The following SOX5 variants were observed in gnomAD, a reference collection of about 807,000 sequenced individuals.
SOX5 encodes the protein transcription factor SOX-5.
In SOX5, 9 loss-of-function variants were observed where a neutral mutation model predicts 92.0. The ratio of observed to expected loss-of-function variants is 0.10; its 90% CI spans 0.06 to 0.17. The LOEUF (loss-of-function observed/expected upper bound fraction) is 0.17. SOX5 is among the 10% of genes least tolerant of loss of function. SOX5 has a pLI of 1.00. For missense variants in SOX5, 642 were observed against 944.5 expected (o/e 0.68, Z 4.20); for synonymous variants, 344 against 336.3 (o/e 1.02, Z -0.25).
chr12:23,564,817 A>G (rs1734947796), intron 10 of SOX5, among the ~76,000 whole-genome samples: 1 of 152,204 alleles, frequency 6.6e-6, no homozygotes, highest in Non-Finnish European at 1.5e-5. Context: ...TCCTTGTTGT[A>G]TTGCTAGACT....
At chr12:23,714,124 G>A (rs2092304218) in intron 6 of SOX5, among the ~76,000 whole-genome samples, 1 of 151,120 alleles carries the variant, frequency 6.6e-6, no homozygotes, top group East Asian at 1.9e-4. Flanking sequence ...TATTGGTCAT[G>A]TTTCCTTGTT....
chr12:24,136,496 C>G (rs1405399822), intron 4 of SOX5, among the ~76,000 whole-genome samples: 1 of 152,216 alleles, frequency 6.6e-6, no homozygotes, highest in Admixed American at 6.5e-5. Context: ...CCTCTCTAAC[C>G]CTAAAAGTTT....
At chr12:24,088,791 C>T (rs913127935) in intron 4 of SOX5, among the ~76,000 whole-genome samples, 5 of 152,130 alleles carry the variant, frequency 3.3e-5, no homozygotes, top group Non-Finnish European at 7.4e-5. Context: ...TACAATCCTA[C>T]TGATAACAGT....
chr12:24,479,811 G>T (rs528200233), intron 1 of SOX5, among the ~76,000 whole-genome samples: 4 of 151,792 alleles, frequency 2.6e-5, no homozygotes, highest in Non-Finnish European at 4.4e-5. Context: ...GACTGCAGGC[G>T]CCCACCACCA....
rs372309217 is a variant in SOX5 at position 23,868,250 on chromosome 12, T to C, written c.271-22057A>G. 7.9e-5 allele frequency among the ~76,000 whole-genome samples: 12 copies of C among 152,262 alleles called. No homozygotes were observed. In the East Asian group the frequency reaches 9.6e-4, roughly 12 times the overall value. The stretch of plus-strand genomic sequence containing the variant: ...TGTTCTATTTCACGGCTCCACTTCG[T>C]ATTTCTAGGGAAGATAAGAATGTTA... On this transcript the variant is annotated intron_variant, in intron 2 of 14. Transcript: ENST00000451604.
intron 6 of SOX5, among the ~76,000 whole-genome samples, chr12:23,688,448 A>G (rs1379527287): frequency 6.6e-6 from 1 of 152,116 alleles, no homozygotes; most frequent in Non-Finnish European, 1.5e-5. Context: ...TTGTTCTTCC[A>G]GTGTAAAATA....
At chr12:24,383,576 C>G (rs1163314086) in intron 1 of SOX5, among the ~76,000 whole-genome samples, 1 of 152,208 alleles carries the variant, frequency 6.6e-6, no homozygotes, top group African/African-American at 2.4e-5. Flanking sequence ...ATGACTTCTC[C>G]CTTTGTCCAG....
At chr12:23,605,094 G>T (rs897721525) in intron 8 of SOX5, among the ~76,000 whole-genome samples, 1 of 152,076 alleles carries the variant, frequency 6.6e-6, no homozygotes, top group Non-Finnish European at 1.5e-5. Flanking sequence ...AAATTAACTG[G>T]ATGCTTGCCA....
intron 1 of SOX5, among the ~76,000 whole-genome samples, chr12:23,928,338 T>C (rs1486646161): frequency 3.3e-5 from 5 of 152,028 alleles, no homozygotes; most frequent in Non-Finnish European, 7.4e-5. Flanking sequence ...TGTTGCTCAG[T>C]ACTCGGGTGT....
intron 7 of SOX5, among the ~76,000 whole-genome samples, chr12:23,660,764 C>G (rs2082930202): frequency 6.6e-6 from 1 of 151,644 alleles, no homozygotes; most frequent in Non-Finnish European, 1.5e-5. Context: ...TCCAAACTTT[C>G]TTTGATTAAG....
At chr12:24,451,390 G>A (rs1942280413) in intron 1 of SOX5, among the ~76,000 whole-genome samples, 1 of 152,094 alleles carries the variant, frequency 6.6e-6, no homozygotes, top group Non-Finnish European at 1.5e-5. Flanking sequence ...CTCCATAGTG[G>A]TTGCTCTAAT....
intron 3 of SOX5, among the ~76,000 whole-genome samples, chr12:23,838,171 A>G (rs1473175395): frequency 7.0e-6 from 1 of 143,280 alleles, no homozygotes; most frequent in Non-Finnish European, 1.5e-5. Context: ...ATATATATTT[A>G]TATTACATAT....
At chr12:24,244,902 G>T (rs79656110) in intron 3 of SOX5, among the ~76,000 whole-genome samples, 2 of 152,018 alleles carry the variant, frequency 1.3e-5, no homozygotes, top group Non-Finnish European at 2.9e-5. Flanking sequence ...TGTTGGTCAG[G>T]CTAGTCTCAA....
At chr12:23,673,084 GT>G (rs1485407459) in intron 6 of SOX5, among the ~76,000 whole-genome samples, 1 of 152,068 alleles carries the variant, frequency 6.6e-6, no homozygotes, top group African/African-American at 2.4e-5. Context: ...AAACTTAAGG[GT>G]TGCAAAAACA....
chr12:24,046,572 G>GCATAAAT (rs1199564761), intron 4 of SOX5, among the ~76,000 whole-genome samples: 2 of 151,636 alleles, frequency 1.3e-5, no homozygotes, highest in African/African-American at 4.8e-5. Flanking sequence ...TTATAAGAGT[G>GCATAAAT]CATAAATCAG....
chr12:24,367,402 A>G (rs1468061102), intron 2 of SOX5, among the ~76,000 whole-genome samples: 1 of 152,202 alleles, frequency 6.6e-6, no homozygotes, highest in African/African-American at 2.4e-5. Flanking sequence ...GACAATATCT[A>G]TATTCTTTTG....
intron 4 of SOX5, among the ~76,000 whole-genome samples, chr12:23,746,361 C>T (rs1226951859): frequency 6.6e-6 from 1 of 152,134 alleles, no homozygotes; most frequent in African/African-American, 2.4e-5. Flanking sequence ...AGAGTCATAA[C>T]TTATATATGT....
intron 1 of SOX5, among the ~76,000 whole-genome samples, chr12:24,437,307 T>A (rs1241003158): frequency 6.6e-6 from 1 of 152,126 alleles, no homozygotes; most frequent in Non-Finnish European, 1.5e-5. Context: ...TCACACCTTA[T>A]ATAAAAATTA....
chr12:23,918,746 G>A (rs751065288), intron 1 of SOX5, among the ~76,000 whole-genome samples: 3 of 151,862 alleles, frequency 2.0e-5, no homozygotes, highest in Admixed American at 6.6e-5. Context: ...GTGAAACCCC[G>A]TCTCTACTGA....
Sources: allele counts gnomAD v4.1 joint callset (sites outside exome capture counted in the v4.1 genomes callset), GRCh38; gene constraint gnomAD v4.1.1; transcripts MANE v1.5; gene names NCBI Gene and HGNC (gene_info 2026-07-23, HGNC 2026-07-21).